Variants in SMAP1 observed in about 807,000 individuals in gnomAD.
The protein encoded by SMAP1 is small ArfGAP 1, also known as stromal membrane-associated protein 1.
SMAP1 carries 24 observed loss-of-function variants against 58.5 expected under a neutral mutation model. The observed-to-expected ratio is 0.41, with a 90% CI of 0.30 to 0.58. The LOEUF is 0.58. Ranked by LOEUF, SMAP1 falls within the 20% of genes least tolerant of loss-of-function variation. The pLI, the probability that SMAP1 is intolerant of heterozygous loss-of-function variation, is 0.29. For missense variants in SMAP1, 563 were observed against 566.3 expected, an observed-to-expected ratio of 0.99 and a Z score of 0.06; for synonymous variants, 216 against 196.6, an observed-to-expected ratio of 1.10 and a Z score of -0.82.
chr6:70,716,324 T>G (rs981389981), intron 1 of SMAP1, among the ~76,000 whole-genome samples: 3 of 152,216 alleles, frequency 2.0e-5, no homozygotes, highest in African/African-American at 7.2e-5. Context: ...TAGATTCTCA[T>G]AAGGAGCATG....
intron 1 of SMAP1, among the ~76,000 whole-genome samples, chr6:70,677,705 G>C (rs1440503045): frequency 6.6e-6 from 1 of 151,914 alleles, no homozygotes; most frequent in African/African-American, 2.4e-5. Flanking sequence ...GTCCTATTGA[G>C]ATATGGATTG....
At chr6:70,689,980 A>G (rs1226356679) in intron 1 of SMAP1, among the ~76,000 whole-genome samples, 1 of 152,220 alleles carries the variant, frequency 6.6e-6, no homozygotes, top group African/African-American at 2.4e-5. Flanking sequence ...TCTCCTACCT[A>G]GACAATTATC....
chr6:70,831,061 G>T (rs1770338522), intron 6 of SMAP1, among the ~76,000 whole-genome samples: 1 of 152,090 alleles, frequency 6.6e-6, no homozygotes. Flanking sequence ...TTTGGTTTTT[G>T]AAATGCTGGA....
intron 4 of SMAP1, among the ~76,000 whole-genome samples, chr6:70,787,669 C>G (rs376470634): frequency 6.7e-6 from 1 of 149,336 alleles, no homozygotes; most frequent in Non-Finnish European, 1.5e-5. Context: ...CAAAAGAAGA[C>G]ATTTATGCAG....
intron 2 of SMAP1, among the ~76,000 whole-genome samples, chr6:70,743,706 G>T (rs925252822): frequency 3.3e-5 from 5 of 152,140 alleles, no homozygotes; most frequent in Non-Finnish European, 7.3e-5. Flanking sequence ...TCAGGTATAT[G>T]CTTAACTTTT....
At chr6:70,820,633 G>A (rs1001082236) in intron 6 of SMAP1, among the ~76,000 whole-genome samples, 14 of 151,964 alleles carry the variant, frequency 9.2e-5, no homozygotes, top group African/African-American at 3.1e-4. Flanking sequence ...TGGAACCCAG[G>A]AGGCTGAGGT....
In SMAP1 at chr6:70,837,991, A is replaced by G. The variant is rs569833457; in HGVS notation, c.664+963A>G. The G allele has an allele frequency of 9.4e-6, 9 of 960,924 alleles. No individual in the cohort carries two copies. In the African/African-American group the frequency reaches 1.4e-4, roughly 15 times the overall value. The allele number at this position is 960,924 out of a possible 1,614,324, so 59.5% of individuals were successfully genotyped here. On this transcript the variant is annotated intron_variant, in intron 7 of 10. Transcript: ENST00000370455. ...TCCCTGGAGGTACAATTCTTCTATG[A>G]TGGTAAAAAGTTGTGTATTAGAAAT...
At chr6:70,759,758 C>G in intron 3 of SMAP1, 1 of 301,728 alleles carries the variant, frequency 3.3e-6, no homozygotes, top group African/African-American at 2.2e-5. Context: ...CTATAGATTT[C>G]AGGAAAGATG....
rs1386739744 is a variant in SMAP1, at chr6:70,773,342, G to C, written c.339-8G>C. On this transcript the variant is annotated splice_region_variant and splice_polypyrimidine_tract_variant and intron_variant, in intron 3 of 10. Coordinates refer to ENST00000370455, the MANE Select transcript of SMAP1 (RefSeq NM_001044305.3). ...ATTCATGCTTTTCCTTAAGTTATCT[G>C]TTTTCAGAGCAGTGGAATTTTTCAT... 1 of 1,538,988 alleles carries C rather than the reference G, an allele frequency of 6.5e-7. No homozygotes were observed. Among genetic ancestry groups the C allele is most frequent in the Middle Eastern group, 1.7e-4 (1 of 5,878 alleles).
chr6:70,816,064 G>T (rs1769616599), intron 6 of SMAP1, among the ~76,000 whole-genome samples: 1 of 152,156 alleles, frequency 6.6e-6, no homozygotes, highest in East Asian at 1.9e-4. Flanking sequence ...GAGTGTGGAG[G>T]TTTGGAGAAT....
intron 6 of SMAP1, among the ~76,000 whole-genome samples, chr6:70,823,878 G>GTT (rs753268495): frequency 7.1e-6 from 1 of 140,780 alleles, no homozygotes; most frequent in Non-Finnish European, 1.6e-5. Context: ...GAGCCCAAGG[G>GTT]TTTTTTTTTT....
chr6:70,668,067 A>G lies in SMAP1; in HGVS notation c.44A>G (p.Glu15Gly). The change falls in exon 1 of 11, where the codon GAG becomes GGG. Residue 15 changes from glutamate (E) to glycine (G), a missense_variant. Physicochemically the swap from Glu to Gly is moderately conservative, Grantham distance 98. Coordinates refer to ENST00000370455, the MANE Select transcript of SMAP1 (RefSeq NM_001044305.3). ...CGGGAGAAGGCTCAGAAGCTGAACG[A>G]GCAGCACCAGCTCATCCTATCCAAG... ...SCREKAQKLN[E>G]QHQLILSKLL... 1 of 1,604,888 alleles carries G rather than the reference A, an allele frequency of 6.2e-7. No individual in the cohort carries two copies. Among genetic ancestry groups the G allele is most frequent in the Non-Finnish European group, 8.5e-7 (1 of 1,176,410 alleles).
Position 70,793,779 on chromosome 6 carries a change from T to C in SMAP1, c.495+2010T>C, listed in dbSNP as rs1006320059. Among the ~76,000 whole-genome samples, 16 of 152,234 alleles carry C rather than the reference T, an allele frequency of 1.1e-4. No individual in the cohort carries two copies. In the East Asian group the frequency reaches 2.5e-3, roughly 24 times the overall value. On this transcript the variant is annotated intron_variant, in intron 5 of 10. Coordinates refer to ENST00000370455, the MANE Select transcript of SMAP1 (RefSeq NM_001044305.3). Reference sequence around the variant, plus strand: ...TCTTGTTGCCCATGTTGGAGTGCAGTGGCGCGATCTCGGCTTATTGCAACC... The same window carrying C: ...TCTTGTTGCCCATGTTGGAGTGCAGCGGCGCGATCTCGGCTTATTGCAACC...
chr6:70,837,916 C>T (rs1255885504), intron 7 of SMAP1: 2 of 1,164,738 alleles, frequency 1.7e-6, no homozygotes, highest in East Asian at 7.5e-5. Context: ...AGAATTATAG[C>T]TGAATGTTTT....
intron 6 of SMAP1, among the ~76,000 whole-genome samples, chr6:70,801,274 G>A (rs1200291173): frequency 1.3e-5 from 2 of 152,114 alleles, no homozygotes; most frequent in Non-Finnish European, 2.9e-5. Flanking sequence ...GACCAGTGAT[G>A]GTGAGCATTT....
intron 6 of SMAP1, among the ~76,000 whole-genome samples, chr6:70,803,638 A>G (rs1768970006): frequency 6.6e-6 from 1 of 152,214 alleles, no homozygotes; most frequent in South Asian, 2.1e-4. Context: ...ATTTAGTGCT[A>G]TAAATTTCCC....
chr6:70,834,563 C>G (rs1485159311), intron 6 of SMAP1, among the ~76,000 whole-genome samples: 1 of 152,104 alleles, frequency 6.6e-6, no homozygotes, highest in Non-Finnish European at 1.5e-5. Flanking sequence ...AGGGATTAGA[C>G]TTAACTACCT....
rs150788387 is a variant in SMAP1, at chr6:70,722,023, G to A, written c.119-10355G>A. On this transcript the variant is annotated intron_variant, in intron 1 of 10. Transcript: ENST00000370455. ...CAAAGACTTTACATGATCACAGTAC[G>A]TTTATTAAAATCAGGAAATTATCAT... Among the ~76,000 whole-genome samples, 577 of 152,214 alleles carry A rather than the reference G, an allele frequency of 3.8e-3. 2 individuals carry two copies. Among genetic ancestry groups the A allele is most frequent in the African/African-American group, 0.012 (482 of 41,506 alleles).
chr6:70,825,194 A>G (rs1379451309), intron 6 of SMAP1, among the ~76,000 whole-genome samples: 1 of 152,128 alleles, frequency 6.6e-6, no homozygotes, highest in Non-Finnish European at 1.5e-5. Context: ...TCAAAGAGAA[A>G]ATTATTACAA....
Sources: gnomAD v4.1 joint callset for allele counts (sites outside exome capture counted in the v4.1 genomes callset) on GRCh38, gnomAD v4.1.1 for gene constraint, MANE v1.5 for transcripts, NCBI Gene and HGNC (gene_info 2026-07-23, HGNC 2026-07-21) for gene names.